Variants in RYR2 observed in about 807,000 individuals in gnomAD.
RYR2 encodes the protein cardiac muscle ryanodine receptor-calcium release channel.
RYR2 carries 227 observed loss-of-function variants against 601.1 expected under a neutral mutation model. The observed-to-expected ratio is 0.38, with a 90% CI of 0.34 to 0.42. The LOEUF is 0.42. Ranked by LOEUF, RYR2 falls within the 10% of genes least tolerant of loss-of-function variation. The pLI is 1.00. For synonymous variants in RYR2, 2,223 were observed against 2,175.1 expected, an observed-to-expected ratio of 1.02 and a Z score of -0.61; for missense variants, 4,646 against 6,156.5, an observed-to-expected ratio of 0.75 and a Z score of 8.21.
At chr1:237,488,990 A>C (rs2150399461) in intron 17 of RYR2, among the ~76,000 whole-genome samples, 1 of 152,308 alleles carries the variant, frequency 6.6e-6, no homozygotes, top group South Asian at 2.1e-4. Flanking sequence ...TTACTATTAC[A>C]GGCCGCGTGG....
intron 1 of RYR2, among the ~76,000 whole-genome samples, chr1:237,055,007 G>A (rs989225287): frequency 2.0e-5 from 3 of 152,152 alleles, no homozygotes; most frequent in Non-Finnish European, 2.9e-5. Context: ...CAGATCCAGG[G>A]CTGGGGACAG....
chr1:237,251,549 C>T (rs1687465685), intron 1 of RYR2, among the ~76,000 whole-genome samples: 1 of 152,104 alleles, frequency 6.6e-6, no homozygotes, highest in African/African-American at 2.4e-5. Context: ...TGTTGAATTC[C>T]TCCCCTCTTT....
chr1:237,537,002 C>T (rs1273959060), intron 25 of RYR2, among the ~76,000 whole-genome samples: 1 of 151,964 alleles, frequency 6.6e-6, no homozygotes. Flanking sequence ...CCTGCAGATC[C>T]AATAAGCATA....
intron 17 of RYR2, among the ~76,000 whole-genome samples, chr1:237,473,675 A>G (rs545027893): frequency 3.2e-4 from 48 of 152,132 alleles, no homozygotes; most frequent in Admixed American, 2.1e-3. Flanking sequence ...CTTGAGTTCC[A>G]TGCCATCGAC....
At chr1:237,502,175 C>T (rs1256286708) in intron 21 of RYR2, among the ~76,000 whole-genome samples, 3 of 151,956 alleles carry the variant, frequency 2.0e-5, no homozygotes, top group Non-Finnish European at 2.9e-5. Context: ...AAAAGAATTA[C>T]GAGGAAAATG....
At chr1:237,308,064 C>T (rs528816856) in intron 2 of RYR2, among the ~76,000 whole-genome samples, 1 of 152,218 alleles carries the variant, frequency 6.6e-6, no homozygotes, top group East Asian at 1.9e-4. Context: ...GCGCTGCATT[C>T]TCATAAAGTC....
At chr1:237,334,634 G>C (rs564367438) in intron 3 of RYR2, among the ~76,000 whole-genome samples, 1 of 152,238 alleles carries the variant, frequency 6.6e-6, no homozygotes, top group Admixed American at 6.5e-5. Flanking sequence ...CAACGAGAAG[G>C]AGAAGGTGTC....
chr1:237,530,422 TC>T lies in RYR2; in HGVS notation c.2823-3del. The T allele has an allele frequency of 6.2e-7, 1 of 1,601,478 alleles. No individual in the cohort carries two copies. Among genetic ancestry groups the T allele is most frequent in the Non-Finnish European group, 8.5e-7 (1 of 1,173,130 alleles). On this transcript the variant is annotated splice_region_variant and splice_polypyrimidine_tract_variant and intron_variant, in intron 24 of 104. Transcript: ENST00000366574. ...ATCACACTTATCTCTGGTTTTGTTT[TC>T]CAGGACTTTGTTGGCATTAGGATGT...
intron 42 of RYR2, among the ~76,000 whole-genome samples, 172 bp downstream of exon 42, chr1:237,631,713 C>T (rs983958747): frequency 7.0e-6 from 1 of 142,912 alleles, no homozygotes; most frequent in Non-Finnish European, 1.5e-5. Context: ...CTGCAAGCTC[C>T]GCCTCCCGGG....
intron 4 of RYR2, among the ~76,000 whole-genome samples, chr1:237,362,490 C>A (rs1245784007): frequency 6.6e-6 from 1 of 152,116 alleles, no homozygotes; most frequent in Admixed American, 6.6e-5. Context: ...TTTCTACTTT[C>A]CATCATATCA....
intron 27 of RYR2, among the ~76,000 whole-genome samples, chr1:237,551,114 G>A (rs1057250907): frequency 3.3e-5 from 5 of 152,150 alleles, no homozygotes; most frequent in Non-Finnish European, 7.3e-5. Context: ...ATTAATTAAT[G>A]TGATATTCTG....
At chr1:237,492,568 C>T (rs1183249241) in intron 18 of RYR2, among the ~76,000 whole-genome samples, 17 of 152,054 alleles carry the variant, frequency 1.1e-4, no homozygotes. Context: ...TGACTGCACC[C>T]AGTGGCTCAT....
chr1:237,387,699 G>A (rs1480083683), intron 9 of RYR2, among the ~76,000 whole-genome samples: 2 of 152,182 alleles, frequency 1.3e-5, no homozygotes, highest in Non-Finnish European at 2.9e-5. Flanking sequence ...CTAATGTCAA[G>A]ATTTCTTATT....
rs1553473182 is a variant in RYR2, at chr1:237,496,599, C to A, written c.2050C>A (p.Pro684Thr). ...TGAATTGATGGTGGACCACACAGAGCCCTTTGTGACAGCTGAAGCAACTCA... is the reference window on the plus strand; with the variant it reads ...TGAATTGATGGTGGACCACACAGAGACCTTTGTGACAGCTGAAGCAACTCA... ...YYELMVDHTE[P>T]FVTAEATHLR... The change falls in exon 20 of 105, where the codon CCC becomes ACC. Residue 684 changes from proline to threonine, a missense_variant. Physicochemically the swap from Pro to Thr is conservative, Grantham distance 38 (BLOSUM62 -1). This residue lies in a region of RYR2 where 1,807 missense variants were observed against 2,088.1 expected (regional missense o/e 0.87). Transcript: ENST00000366574. 7 of 1,613,808 alleles carry A rather than the reference C, an allele frequency of 4.3e-6. No homozygotes were observed. The highest frequency in any genetic ancestry group is 5.9e-6 in the Non-Finnish European group (7 of 1,179,898).
Position 237,542,962 on chromosome 1 carries a change from A to G in RYR2, c.2907-5469A>G, listed in dbSNP as rs189264322. 6.0e-3 allele frequency among the ~76,000 whole-genome samples: 912 copies of G among 152,202 alleles called. 8 individuals carry two copies. The highest frequency in any genetic ancestry group is 0.01 in the Middle Eastern group (3 of 294). On this transcript the variant is annotated intron_variant, in intron 25 of 104. Transcript: ENST00000366574. Reference sequence around the variant, plus strand: ...GCCTCCTCTGACTCTCCCCTCCTGTAGGCTCTGGAATTTTCAGCCTATCTT... The same window carrying G: ...GCCTCCTCTGACTCTCCCCTCCTGTGGGCTCTGGAATTTTCAGCCTATCTT...
At chr1:237,510,425 C>G (rs2150540214) in intron 23 of RYR2, among the ~76,000 whole-genome samples, 1 of 152,226 alleles carries the variant, frequency 6.6e-6, no homozygotes, top group South Asian at 2.1e-4. Flanking sequence ...TTTACAAATG[C>G]TCATTTTATG....
intron 1 of RYR2, among the ~76,000 whole-genome samples, chr1:237,223,650 C>A (rs1572260004): frequency 6.6e-6 from 1 of 152,034 alleles, no homozygotes; most frequent in East Asian, 1.9e-4. Flanking sequence ...CTCACTAGTC[C>A]TGGGCCATAA....
chr1:237,423,786 C>A (rs1274519754), intron 12 of RYR2, among the ~76,000 whole-genome samples: 1 of 152,140 alleles, frequency 6.6e-6, no homozygotes, highest in Non-Finnish European at 1.5e-5. Flanking sequence ...ATCCTTAACC[C>A]TATTGAATCA....
At chr1:237,115,125 T>A (rs2485557) in intron 1 of RYR2, among the ~76,000 whole-genome samples, 75,087 of 152,000 alleles carry the variant, frequency 0.49, 19,095 homozygotes, top group Admixed American at 0.62. Flanking sequence ...TGTCGGTACC[T>A]TTGCTGGCTG....
Sources: gnomAD v4.1 joint callset for allele counts (sites outside exome capture counted in the v4.1 genomes callset) on GRCh38, gnomAD v4.1.1 for gene constraint, gnomAD v4.1.1 regional missense constraint, MANE v1.5 for transcripts, NCBI Gene and HGNC (gene_info 2026-07-23, HGNC 2026-07-21) for gene names.